The following ADAMTS17 variants were observed in gnomAD, a reference collection of about 807,000 sequenced individuals.
ADAMTS17 encodes A disintegrin and metalloproteinase with thrombospondin motifs 17.
Under a neutral mutation model 141.5 loss-of-function variants are expected in ADAMTS17, and 113 were observed. The ratio of observed to expected loss-of-function variants is 0.80; its 90% CI spans 0.69 to 0.93. The LOEUF (loss-of-function observed/expected upper bound fraction) is 0.93. Among genes scored for constraint, ADAMTS17 ranks in the 40% least tolerant of loss-of-function variants. The probability of loss-of-function intolerance (pLI) is 0.00; values close to 1 mark genes in which losing one functional copy is unlikely to be tolerated. For missense variants in ADAMTS17, 1,659 were observed against 1,517.9 expected (o/e 1.09, Z -1.54); for synonymous variants, 768 against 630.6 (o/e 1.22, Z -3.27).
At chr15:100,153,248 C>T (rs918445670) in intron 9 of ADAMTS17, among the ~76,000 whole-genome samples, 3 of 152,138 alleles carry the variant, frequency 2.0e-5, no homozygotes, top group African/African-American at 7.2e-5. Flanking sequence ...CTCACTTGAC[C>T]ACGCTATCCC....
chr15:100,118,466 G>A (rs1288301714), intron 12 of ADAMTS17, among the ~76,000 whole-genome samples: 2 of 152,230 alleles, frequency 1.3e-5, no homozygotes, highest in African/African-American at 4.8e-5. Flanking sequence ...TGGCCCCATA[G>A]TGGGGCCTTG....
intron 19 of ADAMTS17, among the ~76,000 whole-genome samples, chr15:99,996,995 CG>C (rs1316657826): frequency 5.3e-5 from 8 of 152,168 alleles, no homozygotes; most frequent in African/African-American, 1.7e-4. Context: ...ATCTGACTCT[CG>C]TAATCTACAA....
chr15:100,136,102 G>A (rs910013176), intron 10 of ADAMTS17, among the ~76,000 whole-genome samples: 3 of 152,198 alleles, frequency 2.0e-5, no homozygotes, highest in Non-Finnish European at 4.4e-5. Flanking sequence ...ATGTGTATGT[G>A]TTCACCAAAG....
intron 7 of ADAMTS17, among the ~76,000 whole-genome samples, chr15:100,213,329 A>C (rs2041867542): frequency 6.6e-6 from 1 of 152,188 alleles, no homozygotes; most frequent in African/African-American, 2.4e-5. Flanking sequence ...TGATAAGAGG[A>C]AAAACATGAT....
intron 8 of ADAMTS17, among the ~76,000 whole-genome samples, chr15:100,175,361 G>C (rs1259398953): frequency 6.6e-6 from 1 of 152,136 alleles, no homozygotes; most frequent in African/African-American, 2.4e-5. Context: ...CATGGCCTAA[G>C]GATTTTCCTT....
chr15:100,164,058 C>T (rs535958510), intron 8 of ADAMTS17, among the ~76,000 whole-genome samples: 1 of 152,284 alleles, frequency 6.6e-6, no homozygotes, highest in African/African-American at 2.4e-5. Context: ...AACCATCTTT[C>T]CCAGACAAGT....
chr15:100,270,581 G>A (rs529025702), intron 4 of ADAMTS17, among the ~76,000 whole-genome samples: 1 of 151,678 alleles, frequency 6.6e-6, no homozygotes, highest in Non-Finnish European at 1.5e-5. Context: ...TATGGCATCA[G>A]TCATTCATTT....
At chr15:100,232,324 T>C (rs1488483480) in intron 7 of ADAMTS17, among the ~76,000 whole-genome samples, 1 of 152,086 alleles carries the variant, frequency 6.6e-6, no homozygotes, top group African/African-American at 2.4e-5. Context: ...TGCCAGCACC[T>C]CCCCAACTCC....
intron 15 of ADAMTS17, among the ~76,000 whole-genome samples, chr15:100,060,858 T>C (rs1391236007): frequency 6.6e-6 from 1 of 152,200 alleles, no homozygotes; most frequent in Admixed American, 6.5e-5. Context: ...TAATTCAAAG[T>C]AATTCAAAGT....
At chr15:100,246,857 G>A (rs531976310) in intron 7 of ADAMTS17, among the ~76,000 whole-genome samples, 1 of 134,298 alleles carries the variant, frequency 7.4e-6, no homozygotes, top group South Asian at 2.5e-4. Flanking sequence ...CAAGTGGTTT[G>A]CCCTTTTATT....
chr15:100,108,854 G>C lies in ADAMTS17; in HGVS notation c.2016+135C>G. ...CAGGCAACACTGGCGGCAGGAGGCG[G>C]CATCACTGGGTGCCTTCCTAAGAAA... On this transcript the variant is annotated intron_variant, in intron 14 of 21. Transcript: ENST00000268070. 4 of 1,465,484 alleles carry C rather than the reference G, an allele frequency of 2.7e-6. No individual in the cohort carries two copies. The South Asian group carries it at 4.6e-5, about 17-fold the overall frequency. The allele number at this position is 1,465,484 out of a possible 1,614,324, so 90.8% of individuals were successfully genotyped here. A position where few individuals can be genotyped will look rare whatever the true frequency, so the allele number is the denominator to read the frequency against.
At chr15:100,320,254 C>T (rs563317287) in intron 3 of ADAMTS17, among the ~76,000 whole-genome samples, 3 of 152,188 alleles carry the variant, frequency 2.0e-5, no homozygotes, top group Admixed American at 2.0e-4. Flanking sequence ...ACTAGGAATT[C>T]CAGGAGAAGA....
At chr15:100,275,735 T>C (rs986989592) in intron 4 of ADAMTS17, among the ~76,000 whole-genome samples, 2 of 152,038 alleles carry the variant, frequency 1.3e-5, no homozygotes, top group Non-Finnish European at 2.9e-5. Flanking sequence ...CTTTGCCATC[T>C]GGGACAGCTG....
intron 7 of ADAMTS17, among the ~76,000 whole-genome samples, chr15:100,202,058 G>T (rs1429914525): frequency 6.6e-6 from 1 of 152,172 alleles, no homozygotes; most frequent in Non-Finnish European, 1.5e-5. Flanking sequence ...CTGGTGAGGG[G>T]GAAGGGAGAC....
At chr15:100,084,713 C>A (rs1415388709) in intron 15 of ADAMTS17, among the ~76,000 whole-genome samples, 2 of 152,194 alleles carry the variant, frequency 1.3e-5, no homozygotes, top group African/African-American at 4.8e-5. Context: ...AGCCACTGCT[C>A]CTGATACCCA....
chr15:100,310,041 G>A (rs546251263), intron 3 of ADAMTS17, among the ~76,000 whole-genome samples: 48 of 152,222 alleles, frequency 3.2e-4, no homozygotes, highest in Non-Finnish European at 5.7e-4. Context: ...CAGCCGAGCC[G>A]TCCTCGAGGC....
intron 15 of ADAMTS17, among the ~76,000 whole-genome samples, chr15:100,068,427 G>A (rs1366413153): frequency 6.6e-6 from 1 of 152,126 alleles, no homozygotes. Context: ...CACACAGCTG[G>A]ACATCTGCGA....
At chr15:100,058,709 C>T (rs1391695340) in intron 15 of ADAMTS17, among the ~76,000 whole-genome samples, 1 of 152,188 alleles carries the variant, frequency 6.6e-6, no homozygotes, top group Non-Finnish European at 1.5e-5. Flanking sequence ...GATAGAGCCA[C>T]TAGGGCCCTG....
chr15:100,272,217 A>C (rs1472340121), intron 4 of ADAMTS17, among the ~76,000 whole-genome samples: 1 of 152,150 alleles, frequency 6.6e-6, no homozygotes, highest in East Asian at 1.9e-4. Context: ...TAATTTTAGA[A>C]TGGATTTCTC....
Sources: allele counts gnomAD v4.1 joint callset (sites outside exome capture counted in the v4.1 genomes callset), GRCh38; gene constraint gnomAD v4.1.1; transcripts MANE v1.5; gene names NCBI Gene and HGNC (gene_info 2026-07-23, HGNC 2026-07-21).